NEK11: variants seen among roughly 807,000 people sequenced by gnomAD.
The protein encoded by NEK11 is NIMA related kinase 11.
A neutral mutation model predicts 80.7 loss-of-function variants in NEK11; 72 were observed. That is an observed-to-expected ratio of 0.89 (90% CI 0.74 to 1.08). The LOEUF is 1.08. Ranked by LOEUF, NEK11 falls within the 50% of genes least tolerant of loss-of-function variation. The pLI is 0.00. For missense variants in NEK11, 764 were observed against 763.6 expected, an observed-to-expected ratio of 1.00 and a Z score of -0.01; for synonymous variants, 251 against 260.7, an observed-to-expected ratio of 0.96 and a Z score of 0.36.
intron 14 of NEK11, among the ~76,000 whole-genome samples, chr3:131,173,133 T>C (rs1478965994): frequency 6.6e-6 from 1 of 152,224 alleles, no homozygotes; most frequent in Non-Finnish European, 1.5e-5. Flanking sequence ...ACTATAAGTC[T>C]ATTCAGTCGA....
intron 5 of NEK11, among the ~76,000 whole-genome samples, chr3:131,120,558 T>C (rs1156442247): frequency 6.6e-6 from 1 of 152,216 alleles, no homozygotes; most frequent in African/African-American, 2.4e-5. Flanking sequence ...TTCTGGATAA[T>C]ATCCTGAAGA....
At chr3:131,337,745 A>G (rs1390560648) in intron 17 of NEK11, among the ~76,000 whole-genome samples, 1 of 152,162 alleles carries the variant, frequency 6.6e-6, no homozygotes, top group Non-Finnish European at 1.5e-5. Context: ...CTGAGTGACT[A>G]GACTGCACAG....
At chr3:131,204,740 G>T (rs971284824) in intron 14 of NEK11, among the ~76,000 whole-genome samples, 1 of 151,752 alleles carries the variant, frequency 6.6e-6, no homozygotes, top group African/African-American at 2.4e-5. Context: ...TCATTAAATA[G>T]GCCAAAATTA....
At chr3:131,056,953 T>G (rs2069633808) in intron 3 of NEK11, among the ~76,000 whole-genome samples, 1 of 151,642 alleles carries the variant, frequency 6.6e-6, no homozygotes, top group Non-Finnish European at 1.5e-5. Flanking sequence ...TAGTTACATA[T>G]GTATACATGT....
chr3:131,296,768 G>C (rs531991828), intron 17 of NEK11, among the ~76,000 whole-genome samples: 1 of 151,850 alleles, frequency 6.6e-6, no homozygotes, highest in African/African-American at 2.4e-5. Flanking sequence ...CCATTAACTC[G>C]TCATTTAGCA....
intron 4 of NEK11, among the ~76,000 whole-genome samples, chr3:131,108,326 C>CT (rs1436787229): frequency 6.6e-6 from 1 of 152,168 alleles, no homozygotes; most frequent in Non-Finnish European, 1.5e-5. Context: ...AACAACAACT[C>CT]TGTCATGAGT....
chr3:131,328,373 G>GACTT (rs2097012801), intron 17 of NEK11: 1 of 152,244 alleles, frequency 6.6e-6, no homozygotes, highest in South Asian at 2.1e-4. Context: ...CTAAATGAAT[G>GACTT]ACTTAGGTGC....
At chr3:131,041,517 T>C (rs1376184324) in intron 3 of NEK11, among the ~76,000 whole-genome samples, 2 of 152,170 alleles carry the variant, frequency 1.3e-5, no homozygotes, top group African/African-American at 2.4e-5. Context: ...TGTGTGTGTG[T>C]GTGTATGTGT....
intron 3 of NEK11, among the ~76,000 whole-genome samples, chr3:131,046,992 T>C (rs1035436287): frequency 1.3e-5 from 2 of 152,196 alleles, no homozygotes; most frequent in Admixed American, 1.3e-4. Context: ...AAAAAAATTA[T>C]TTTTTCTTTG....
rs1246374245 is a variant in NEK11, at chr3:131,163,083, T to C, written c.1082+556T>C. Among the ~76,000 whole-genome samples the C allele has an allele frequency of 2.0e-5, 3 of 152,208 alleles. No individual in the cohort carries two copies. The East Asian group carries it at 5.8e-4, about 29-fold the overall frequency. On this transcript the variant is annotated intron_variant, in intron 11 of 17. Transcript: ENST00000383366. ...AGAGTATTTACATGAAAAAGTGAAA[T>C]TTCAGGTGTTAGCCAGGATGTAGAG...
intron 17 of NEK11, among the ~76,000 whole-genome samples, chr3:131,303,395 A>T (rs1469980699): frequency 1.3e-5 from 2 of 152,020 alleles, no homozygotes; most frequent in South Asian, 2.1e-4. Flanking sequence ...TATTATATAG[A>T]CTTGATTGTG....
intron 16 of NEK11, among the ~76,000 whole-genome samples, chr3:131,259,300 A>G (rs2095871195): frequency 6.6e-6 from 1 of 152,184 alleles, no homozygotes; most frequent in Admixed American, 6.6e-5. Flanking sequence ...GTTGACAACA[A>G]CTTCTTTGGC....
chr3:131,230,797 G>A (rs1318996863), intron 15 of NEK11, among the ~76,000 whole-genome samples: 6 of 152,074 alleles, frequency 3.9e-5, no homozygotes, highest in African/African-American at 1.2e-4. Flanking sequence ...ATCCCCACCC[G>A]AATCTCATCT....
At chr3:131,277,987 C>T (rs1279873393) in intron 17 of NEK11, among the ~76,000 whole-genome samples, 2 of 152,106 alleles carry the variant, frequency 1.3e-5, no homozygotes, top group Non-Finnish European at 2.9e-5. Context: ...TTTGAAAATC[C>T]CCAAGCCAAG....
At chr3:131,184,116 G>A (rs78981787) in intron 14 of NEK11, among the ~76,000 whole-genome samples, 2 of 152,168 alleles carry the variant, frequency 1.3e-5, no homozygotes, top group East Asian at 3.9e-4. Flanking sequence ...ATTCCATCCA[G>A]CAGGCATCAT....
At chr3:131,228,326 C>T (rs68031331) in intron 14 of NEK11, among the ~76,000 whole-genome samples, 21,182 of 151,962 alleles carry the variant, frequency 0.14, 1,633 homozygotes, top group South Asian at 0.22. Context: ...GGAAATGTTC[C>T]TCCTTTCCTC....
chr3:131,226,894 A>G (rs1336565763), intron 14 of NEK11, among the ~76,000 whole-genome samples: 2 of 152,068 alleles, frequency 1.3e-5, no homozygotes, highest in Non-Finnish European at 2.9e-5. Context: ...AGACACGTGC[A>G]GGTGTCTTCT....
chr3:131,238,878 T>C (rs1490166527), intron 15 of NEK11, among the ~76,000 whole-genome samples: 1 of 152,150 alleles, frequency 6.6e-6, no homozygotes, highest in Non-Finnish European at 1.5e-5. Context: ...ATTGTACCCT[T>C]AAGATCTTGC....
At chr3:131,174,938 C>T in intron 14 of NEK11, 2 of 1,419,888 alleles carry the variant, frequency 1.4e-6, no homozygotes, top group Non-Finnish European at 1.8e-6. Flanking sequence ...GTCACCTCTT[C>T]ATTTCCTGTT....
Sources: gnomAD v4.1 joint callset for allele counts (sites outside exome capture counted in the v4.1 genomes callset) on GRCh38, gnomAD v4.1.1 for gene constraint, MANE v1.5 for transcripts, NCBI Gene and HGNC (gene_info 2026-07-23, HGNC 2026-07-21) for gene names.